The following HJURP variants were observed in gnomAD, a reference collection of about 807,000 sequenced individuals.
The protein encoded by HJURP is Holliday junction recognition protein.
HJURP carries 49 observed loss-of-function variants against 72.0 expected under a neutral mutation model. The observed-to-expected ratio is 0.68, with a 90% CI of 0.54 to 0.86. The LOEUF (loss-of-function observed/expected upper bound fraction) is 0.86. Ranked by LOEUF, HJURP falls within the 40% of genes least tolerant of loss-of-function variation. HJURP has a pLI of 0.00. For missense variants in HJURP, 908 were observed against 936.3 expected (o/e 0.97, Z 0.39); for synonymous variants, 357 against 347.1 (o/e 1.03, Z -0.32).
intron 7 of HJURP, among the ~76,000 whole-genome samples, chr2:233,842,544 T>A (rs976033037): frequency 2.0e-5 from 3 of 151,954 alleles, no homozygotes; most frequent in African/African-American, 7.3e-5. Context: ...TAAACAAACC[T>A]CTTCATATAG....
rs756489909 is a variant in HJURP at position 233,854,377 on chromosome 2, G to A, written c.117+7C>T. The A allele has an allele frequency of 2.2e-5, 34 of 1,576,542 alleles. No individual in the cohort carries two copies. The African/African-American group carries it at 3.1e-4, about 14-fold the overall frequency. On this transcript the variant is annotated splice_region_variant and intron_variant, in intron 1 of 8. Transcript: ENST00000411486. ...CTCCCCTCCCGGCGGACCGGCGGGG[G>A]CCGCACCTTCTCTATCAGCCGCTGC...
At position 233,836,732 on chromosome 2, in the gene HJURP, G is replaced by T. The variant is rs1705073543; in HGVS notation, c.*845C>A. The T allele has an allele frequency of 6.6e-6, 1 of 151,180 alleles. No individual in the cohort carries two copies. The highest frequency in any genetic ancestry group is 2.4e-5 in the African/African-American group (1 of 41,152). The allele number at this position is 151,180 out of a possible 1,614,324, so 9.4% of individuals were successfully genotyped here. On this transcript the variant is annotated 3_prime_UTR_variant, in exon 9 of 9. Transcript: ENST00000411486. ...ATATATTAACTATTTACTCCAGCAT[G>T]AGTTTCACCAATGTATTCTGAATAT...
At chr2:233,840,202 G>A (rs1480634173) in intron 8 of HJURP, among the ~76,000 whole-genome samples, 13 of 152,238 alleles carry the variant, frequency 8.5e-5, no homozygotes. Context: ...CAGGAATCCA[G>A]AAATAGGAAG....
At chr2:233,852,824 T>G (rs1266011877) in intron 2 of HJURP, among the ~76,000 whole-genome samples, 2 of 152,206 alleles carry the variant, frequency 1.3e-5, no homozygotes, top group South Asian at 2.1e-4. Context: ...AAATCTCTCC[T>G]ACCTACTAGA....
chr2:233,844,378 C>G, intron 6 of HJURP, 95 bp from the exon 7 acceptor site: 1 of 866,216 alleles, frequency 1.2e-6, no homozygotes, highest in South Asian at 1.4e-5. Flanking sequence ...GACTGTGCAT[C>G]TTAGCACAGC....
Position 233,840,730 on chromosome 2 carries a change from T to C in HJURP, c.2050A>G (p.Arg684Gly). ...RDHQFPAKRP[R>G]LSEPQGSGRQ... The stretch of plus-strand genomic sequence containing the variant: ...CCGGAGCCCTGGGGTTCTGATAGCC[T>C]GGGTCTTTTTGCAGGGAACTGATGG... The change falls in exon 8 of 9, where the codon AGG (arginine) becomes GGG (glycine). Residue 684 changes from arginine to glycine, a missense_variant. By Grantham distance (125) the Arg-to-Gly change is moderately radical. Around this residue, in one of 3 missense-constraint regions of HJURP, gnomAD observed 598 missense variants for 619.5 expected, o/e 0.97. Coordinates refer to ENST00000411486, the MANE Select transcript of HJURP (RefSeq NM_018410.5). 1.2e-6 allele frequency: 2 copies of C among 1,614,110 alleles called. No homozygotes were observed. Among genetic ancestry groups the C allele is most frequent in the Non-Finnish European group, 1.7e-6 (2 of 1,180,000 alleles).
At chr2:233,850,979 G>A (rs1705483391) in intron 3 of HJURP, among the ~76,000 whole-genome samples, 1 of 152,230 alleles carries the variant, frequency 6.6e-6, no homozygotes, top group Admixed American at 6.5e-5. Flanking sequence ...GGCGGATCTG[G>A]ACACTGTCAC....
chr2:233,843,782 A>G (rs554605920), intron 7 of HJURP, among the ~76,000 whole-genome samples: 4 of 152,354 alleles, frequency 2.6e-5, no homozygotes, highest in African/African-American at 9.6e-5. Context: ...CTGTAGTCAT[A>G]AAGGAGAATT....
chr2:233,840,032 G>GCAGA (rs1705180893), intron 8 of HJURP, among the ~76,000 whole-genome samples: 1 of 152,120 alleles, frequency 6.6e-6, no homozygotes, highest in South Asian at 2.1e-4. Context: ...AAGGGCACAC[G>GCAGA]CAGACTAAAA....
At chr2:233,840,483 G>A in intron 8 of HJURP, 126 bp downstream of exon 8, 4 of 954,088 alleles carry the variant, frequency 4.2e-6, no homozygotes, top group South Asian at 1.7e-5. Flanking sequence ...CTCAGAAAAT[G>A]ATCACGTATG....
At chr2:233,838,237 T>C (rs1351523821) in intron 8 of HJURP, among the ~76,000 whole-genome samples, 1 of 152,180 alleles carries the variant, frequency 6.6e-6, no homozygotes, top group African/African-American at 2.4e-5. Flanking sequence ...AAATGAAACC[T>C]GGGGTGTTCA....
intron 3 of HJURP, 25 bp downstream of exon 3, chr2:233,852,540 G>A: frequency 6.5e-7 from 1 of 1,527,274 alleles, no homozygotes; most frequent in Non-Finnish European, 9.1e-7. Context: ...AAGGTTATTT[G>A]GCAATAAAAT....
rs374546313 is a variant in HJURP at position 233,842,222 on chromosome 2, A to G, written c.575-17T>C. On this transcript the variant is annotated splice_polypyrimidine_tract_variant and intron_variant, in intron 7 of 8. Coordinates refer to ENST00000411486, the MANE Select transcript of HJURP (RefSeq NM_018410.5). ...TGCAGTATCCTGGGAGAAAAGATACACATAAAGTAAAGGTGTGTTACCATT... is the reference window on the plus strand; with the variant it reads ...TGCAGTATCCTGGGAGAAAAGATACGCATAAAGTAAAGGTGTGTTACCATT... The G allele has an allele frequency of 6.3e-5, 99 of 1,581,970 alleles. No homozygotes were observed. The African/African-American group carries it at 1.1e-3, about 18-fold the overall frequency.
At chr2:233,837,994 A>G (rs1705119873) in intron 8 of HJURP, among the ~76,000 whole-genome samples, 1 of 152,186 alleles carries the variant, frequency 6.6e-6, no homozygotes, top group Middle Eastern at 3.2e-3. Flanking sequence ...CAGCCTGCCT[A>G]TTGGACAGAA....
intron 2 of HJURP, 87 bp from the exon 3 acceptor site, chr2:233,852,707 C>T: frequency 1.0e-6 from 1 of 971,162 alleles, no homozygotes; most frequent in Non-Finnish European, 1.6e-6. Context: ...GCCAAAGTGA[C>T]AGGCAAAAAA....
In HJURP at chr2:233,840,589, A is replaced by G. The variant is rs1705194861; in HGVS notation, c.2171+20T>C. The G allele has an allele frequency of 6.4e-7, 1 of 1,551,160 alleles. No individual in the cohort carries two copies. Among genetic ancestry groups the G allele is most frequent in the Non-Finnish European group, 8.7e-7 (1 of 1,154,042 alleles). ...CAGTCACTCACATAAACCACATTCA[A>G]CCAACAGAAACACACCTACCTCTCT... On this transcript the variant is annotated intron_variant, in intron 8 of 8. Coordinates refer to ENST00000411486, the MANE Select transcript of HJURP (RefSeq NM_018410.5).
At chr2:233,843,504 G>A (rs972233773) in intron 7 of HJURP, among the ~76,000 whole-genome samples, 3 of 152,132 alleles carry the variant, frequency 2.0e-5, no homozygotes, top group Non-Finnish European at 2.9e-5. Flanking sequence ...ACCTAACCAC[G>A]AGGAAGCAAT....
intron 7 of HJURP, among the ~76,000 whole-genome samples, chr2:233,842,956 A>G (rs916854902): frequency 6.6e-6 from 1 of 152,218 alleles, no homozygotes; most frequent in African/African-American, 2.4e-5. Context: ...CACGACACAA[A>G]AGCCAGCCTG....
At chr2:233,839,977 G>A (rs1705179297) in intron 8 of HJURP, among the ~76,000 whole-genome samples, 1 of 152,096 alleles carries the variant, frequency 6.6e-6, no homozygotes, top group Non-Finnish European at 1.5e-5. Flanking sequence ...GCCAACAAAG[G>A]TACTCACTCC....
Sources: gnomAD v4.1 joint callset for allele counts (sites outside exome capture counted in the v4.1 genomes callset) on GRCh38, gnomAD v4.1.1 for gene constraint, gnomAD v4.1.1 regional missense constraint, MANE v1.5 for transcripts, NCBI Gene and HGNC (gene_info 2026-07-23, HGNC 2026-07-21) for gene names.